Variants in CLDN16 observed in about 807,000 individuals in gnomAD.
The protein encoded by CLDN16 is claudin 16, also known as claudin-16.
CLDN16 carries 13 observed loss-of-function variants against 24.6 expected under a neutral mutation model. The ratio of observed to expected loss-of-function variants is 0.53; its 90% CI spans 0.34 to 0.84. The LOEUF is 0.84. Ranked by LOEUF, CLDN16 falls within the 40% of genes least tolerant of loss-of-function variation. The probability of loss-of-function intolerance (pLI) is 0.01; values close to 1 mark genes in which losing one functional copy is unlikely to be tolerated. For missense variants in CLDN16, 298 were observed against 292.7 expected, an observed-to-expected ratio of 1.02 and a Z score of -0.13; for synonymous variants, 116 against 106.7, an observed-to-expected ratio of 1.09 and a Z score of -0.54.
intron 1 of CLDN16, among the ~76,000 whole-genome samples, chr3:190,352,993 G>A (rs1166527120): frequency 6.6e-6 from 1 of 151,900 alleles, no homozygotes; most frequent in Non-Finnish European, 1.5e-5. Context: ...TGGCCCTTAA[G>A]TACAATTTAA....
chr3:190,308,283 G>A, the CLDN16 span: 17 of 1,613,604 alleles, frequency 1.1e-5, no homozygotes, highest in Middle Eastern at 1.6e-4. Context: ...TGTGTCACAC[G>A]TAGTCTTTCC....
the CLDN16 span, among the ~76,000 whole-genome samples, chr3:190,303,545 A>C: frequency 1.3e-5 from 2 of 152,116 alleles, no homozygotes; most frequent in Admixed American, 1.3e-4. Context: ...CAAAGCAATA[A>C]ATTACAAAAA....
At chr3:190,385,943 G>A (rs369118648), upstream of CLDN16, among the ~76,000 whole-genome samples, 1 of 152,122 alleles carries the variant, frequency 6.6e-6, no homozygotes, top group Non-Finnish European at 1.5e-5. Flanking sequence ...CCAAATGTCT[G>A]GGAGTGGAAT....
upstream of CLDN16, among the ~76,000 whole-genome samples, chr3:190,318,375 C>G (rs1716825446): frequency 6.6e-6 from 1 of 152,214 alleles, no homozygotes; most frequent in South Asian, 2.1e-4. Context: ...TCTTCCCCTT[C>G]AATCACTGAA....
chr3:190,365,144 G>T (rs1166992236), intron 1 of CLDN16, among the ~76,000 whole-genome samples: 2 of 151,690 alleles, frequency 1.3e-5, no homozygotes, highest in Non-Finnish European at 2.9e-5. Flanking sequence ...ATCTTCACAG[G>T]TCTCATGTTT....
chr3:190,326,852 C>T (rs1013759679), intron 1 of CLDN16, among the ~76,000 whole-genome samples: 1 of 152,138 alleles, frequency 6.6e-6, no homozygotes, highest in Non-Finnish European at 1.5e-5. Flanking sequence ...AATGACTGTT[C>T]CTTTTATCCT....
chr3:190,337,519 G>T (rs9880018), intron 1 of CLDN16, among the ~76,000 whole-genome samples: 3 of 152,064 alleles, frequency 2.0e-5, no homozygotes, highest in African/African-American at 7.2e-5. Context: ...ATATGTGGAC[G>T]ATAAGAATGC....
At chr3:190,309,679 G>A in the CLDN16 span, among the ~76,000 whole-genome samples, 1 of 152,094 alleles carries the variant, frequency 6.6e-6, no homozygotes, top group South Asian at 2.1e-4. Context: ...TTTCAAGGTG[G>A]TATCTGAACA....
chr3:190,372,512 C>T (rs1577414188), intron 2 of CLDN16, among the ~76,000 whole-genome samples: 1 of 151,866 alleles, frequency 6.6e-6, no homozygotes, highest in East Asian at 2.0e-4. Context: ...GGGCTTGTCG[C>T]ACACACCTGT....
At chr3:190,354,042 A>G (rs1717718832) in intron 1 of CLDN16, among the ~76,000 whole-genome samples, 1 of 152,038 alleles carries the variant, frequency 6.6e-6, no homozygotes, top group African/African-American at 2.4e-5. Context: ...GCTGGCTGCC[A>G]GCATTCCTTG....
chr3:190,397,245 C>T (rs1354303267), intron 1 of CLDN16, among the ~76,000 whole-genome samples: 1 of 152,168 alleles, frequency 6.6e-6, no homozygotes, highest in East Asian at 1.9e-4. Flanking sequence ...ATCCACTCTT[C>T]ACTTTTGGGA....
intron 1 of CLDN16, among the ~76,000 whole-genome samples, chr3:190,397,702 A>G (rs940098200): frequency 2.6e-5 from 4 of 152,208 alleles, no homozygotes; most frequent in African/African-American, 9.6e-5. Context: ...TACAGCCACT[A>G]TTCTCACGTA....
At chr3:190,362,429 C>T in intron 1 of CLDN16, among the ~76,000 whole-genome samples, 1 of 151,906 alleles carries the variant, frequency 6.6e-6, no homozygotes, top group Non-Finnish European at 1.5e-5. Context: ...TTCAACCTGA[C>T]CAGTCAGCAC....
rs1719277240 is a variant in CLDN16, at chr3:190,411,189, GGT to G, written c.*1155_*1156del. ...GCAGGAGAATCGTTTGAACCCAGGA[GGT>G]GGAGGTTGCAGTGAGCGGAGATCGC... is the stretch of plus-strand genomic sequence containing the variant. On this transcript the variant is annotated 3_prime_UTR_variant, in exon 5 of 5. Coordinates refer to ENST00000264734, the MANE Select transcript of CLDN16 (RefSeq NM_006580.4). 1 of 152,160 alleles carries G rather than the reference GGT, an allele frequency of 6.6e-6. No individual in the cohort carries two copies. Among genetic ancestry groups the G allele is most frequent in the Non-Finnish European group, 1.5e-5 (1 of 68,050 alleles). 9.4% of individuals were successfully genotyped at this position (152,160 alleles called of 1,614,324 possible). A position where few individuals can be genotyped will look rare whatever the true frequency, so the allele number is the denominator to read the frequency against.
intron 1 of CLDN16, among the ~76,000 whole-genome samples, chr3:190,332,718 A>C (rs772579202): frequency 6.6e-6 from 1 of 152,146 alleles, no homozygotes; most frequent in Non-Finnish European, 1.5e-5. Flanking sequence ...ATTAAACAAG[A>C]TAATATGACT....
At chr3:190,299,560 T>C in the CLDN16 span, among the ~76,000 whole-genome samples, 12 of 151,708 alleles carry the variant, frequency 7.9e-5, no homozygotes, top group South Asian at 2.5e-3. Context: ...ATTTTTTTTA[T>C]ATTTAAGTCT....
At chr3:190,319,855 A>C (rs1445554007), upstream of CLDN16, among the ~76,000 whole-genome samples, 1 of 152,242 alleles carries the variant, frequency 6.6e-6, no homozygotes, top group African/African-American at 2.4e-5. Flanking sequence ...GCTCAGGCAG[A>C]GAAATGAAGT....
At chr3:190,322,128 G>A (rs756491797), upstream of CLDN16, 1 of 1,614,250 alleles carries the variant, frequency 6.2e-7, no homozygotes, top group South Asian at 1.1e-5. Flanking sequence ...CACTGGGGCA[G>A]GGCAGTGCTG....
chr3:190,360,271 T>C (rs141920848), intron 1 of CLDN16, among the ~76,000 whole-genome samples: 216 of 152,090 alleles, frequency 1.4e-3, no homozygotes, highest in South Asian at 8.1e-3. Context: ...AAGCTTCCGA[T>C]ATTCAGCCCC....
Sources: gnomAD v4.1 joint callset for allele counts (sites outside exome capture counted in the v4.1 genomes callset) on GRCh38, gnomAD v4.1.1 for gene constraint, MANE v1.5 for transcripts, NCBI Gene and HGNC (gene_info 2026-07-23, HGNC 2026-07-21) for gene names.